HPSE2: variants seen among roughly 807,000 people sequenced by gnomAD.
HPSE2 encodes the protein heparanase 2 (inactive), also known as inactive heparanase-2.
In HPSE2, 38 loss-of-function variants were observed where a neutral mutation model predicts 60.5. That is an observed-to-expected ratio of 0.63 (90% CI 0.48 to 0.82). HPSE2 has a LOEUF of 0.82. Among genes scored for constraint, HPSE2 ranks in the 40% least tolerant of loss-of-function variants. The probability of loss-of-function intolerance (pLI) is 0.00; values close to 1 mark genes in which losing one functional copy is unlikely to be tolerated. For missense variants in HPSE2, 713 were observed against 740.4 expected (o/e 0.96, Z 0.43); for synonymous variants, 295 against 293.2 (o/e 1.01, Z -0.06).
chr10:99,136,270 T>C (rs1269395090), intron 3 of HPSE2, among the ~76,000 whole-genome samples: 2 of 151,904 alleles, frequency 1.3e-5, no homozygotes, highest in Admixed American at 6.6e-5. Flanking sequence ...CAAAAAAACG[T>C]TGAGGACCAG....
the HPSE2 span, among the ~76,000 whole-genome samples, chr10:99,307,478 G>A: frequency 1.3e-5 from 2 of 152,120 alleles, no homozygotes; most frequent in Non-Finnish European, 2.9e-5. Flanking sequence ...TCATGTGGAG[G>A]AGAAGTAGAC....
intron 2 of HPSE2, among the ~76,000 whole-genome samples, chr10:99,211,152 A>T (rs1848940814): frequency 6.6e-6 from 1 of 152,090 alleles, no homozygotes; most frequent in African/African-American, 2.4e-5. Context: ...TGAAGACAAC[A>T]ATTCTATTTA....
intron 2 of HPSE2, among the ~76,000 whole-genome samples, chr10:99,175,238 A>G (rs2133813381): frequency 6.6e-6 from 1 of 151,488 alleles, no homozygotes; most frequent in Non-Finnish European, 1.5e-5. Context: ...TTTTTTTCAT[A>G]CTCCAGTGGT....
At chr10:98,989,352 T>C (rs1235413495) in intron 3 of HPSE2, among the ~76,000 whole-genome samples, 1 of 152,046 alleles carries the variant, frequency 6.6e-6, no homozygotes, top group Non-Finnish European at 1.5e-5. Context: ...TGTAGGGACA[T>C]GGATGAAACT....
Position 98,913,426 on chromosome 10 carries a change from T to C in HPSE2, c.611-169370A>G, listed in dbSNP as rs1216312970. Among the ~76,000 whole-genome samples the C allele has an allele frequency of 5.9e-5, 9 of 152,340 alleles. No homozygotes were observed. The East Asian group carries it at 7.7e-4, about 13-fold the overall frequency. ...CAGGACACAAATCACTTATAAACTA[T>C]TTTCTTATAGTGAAGTAAGTTGTGT... On this transcript the variant is annotated intron_variant, in intron 3 of 11. Transcript: ENST00000370552.
chr10:98,854,280 G>T (rs1433234808), intron 3 of HPSE2, among the ~76,000 whole-genome samples: 1 of 152,198 alleles, frequency 6.6e-6, no homozygotes, highest in East Asian at 1.9e-4. Flanking sequence ...CAAGCAGAGA[G>T]AATTATCTCA....
chr10:99,011,963 T>A (rs1289858516), intron 3 of HPSE2, among the ~76,000 whole-genome samples: 2 of 151,948 alleles, frequency 1.3e-5, no homozygotes, highest in Non-Finnish European at 2.9e-5. Context: ...AATCTCACAC[T>A]ATATTCTCAG....
chr10:98,507,054 A>G (rs1942225845), intron 9 of HPSE2, among the ~76,000 whole-genome samples: 1 of 152,220 alleles, frequency 6.6e-6, no homozygotes. Context: ...TAGCGCATGC[A>G]TATTGCTTAA....
chr10:98,909,769 T>C (rs1953928794), intron 3 of HPSE2, among the ~76,000 whole-genome samples: 1 of 152,184 alleles, frequency 6.6e-6, no homozygotes, highest in Admixed American at 6.5e-5. Context: ...TCAAAGTGTT[T>C]ATTATAAGGT....
At chr10:99,261,483 A>C in the HPSE2 span, among the ~76,000 whole-genome samples, 4 of 152,092 alleles carry the variant, frequency 2.6e-5, no homozygotes, top group African/African-American at 9.7e-5. Flanking sequence ...CCTCTCCCAA[A>C]TCAGTTAGCG....
At position 98,675,898 on chromosome 10, in the gene HPSE2, G is replaced by A. The variant is rs373642120; in HGVS notation, c.1004+18002C>T. 1.4e-4 allele frequency among the ~76,000 whole-genome samples: 21 copies of A among 151,954 alleles called. 1 individual carries two copies. Among genetic ancestry groups the A allele is most frequent in the African/African-American group, 4.1e-4 (17 of 41,438 alleles). ...TCTACAAACATTTTTTAAAAAATTA[G>A]CTGGTGCAGTGGTGCACAACTGTAG... is the stretch of plus-strand genomic sequence containing the variant. On this transcript the variant is annotated intron_variant, in intron 6 of 11. Coordinates refer to ENST00000370552, the MANE Select transcript of HPSE2 (RefSeq NM_021828.5).
intron 9 of HPSE2, among the ~76,000 whole-genome samples, chr10:98,614,501 C>G (rs1441372558): frequency 6.6e-6 from 1 of 151,962 alleles, no homozygotes; most frequent in Non-Finnish European, 1.5e-5. Context: ...ACCATGTTAG[C>G]CAGGATGGGC....
chr10:98,533,421 G>A lies in HPSE2; in HGVS notation c.1321-43225C>T, dbSNP rs141088678. Reference sequence around the variant, plus strand: ...CATTGGAACACAGTGTTTATGTTTCGTAACGTTAATCACATGCAATTCTTC... The same window carrying A: ...CATTGGAACACAGTGTTTATGTTTCATAACGTTAATCACATGCAATTCTTC... On this transcript the variant is annotated intron_variant, in intron 9 of 11. Coordinates refer to ENST00000370552, the MANE Select transcript of HPSE2 (RefSeq NM_021828.5). Among the ~76,000 whole-genome samples the A allele has an allele frequency of 2.1e-3, 315 of 152,254 alleles. 2 individuals carry two copies. Among genetic ancestry groups the A allele is most frequent in the African/African-American group, 6.4e-3 (266 of 41,550 alleles).
intron 9 of HPSE2, among the ~76,000 whole-genome samples, chr10:98,533,355 A>T (rs2133805691): frequency 6.6e-6 from 1 of 152,344 alleles, no homozygotes; most frequent in African/African-American, 2.4e-5. Context: ...TTGAAGATAG[A>T]ATAATGCCTT....
chr10:99,087,460 G>C (rs779136997), intron 3 of HPSE2, among the ~76,000 whole-genome samples: 1 of 152,182 alleles, frequency 6.6e-6, no homozygotes, highest in African/African-American at 2.4e-5. Context: ...CGCATCTAAG[G>C]CCAGACTATG....
At chr10:99,312,417 A>C in the HPSE2 span, among the ~76,000 whole-genome samples, 1 of 152,206 alleles carries the variant, frequency 6.6e-6, no homozygotes, top group Non-Finnish European at 1.5e-5. Context: ...CATTCCAAAA[A>C]TCCTAGGGCC....
chr10:98,781,409 C>T (rs1487856857), intron 3 of HPSE2, among the ~76,000 whole-genome samples: 2 of 145,646 alleles, frequency 1.4e-5, no homozygotes, highest in African/African-American at 2.5e-5. Flanking sequence ...TAAATTTATA[C>T]ATTAAATAAA....
chr10:98,917,316 T>C (rs144124096), intron 3 of HPSE2, among the ~76,000 whole-genome samples: 158 of 152,330 alleles, frequency 1.0e-3, no homozygotes, highest in Non-Finnish European at 1.7e-3. Context: ...ATAAACATAA[T>C]GGTGATTCCA....
chr10:98,917,091 T>C (rs1954140474), intron 3 of HPSE2, among the ~76,000 whole-genome samples: 1 of 152,174 alleles, frequency 6.6e-6, no homozygotes, highest in South Asian at 2.1e-4. Flanking sequence ...TCTTGCTTTT[T>C]TGTTGGGGGT....
Sources: allele counts gnomAD v4.1 joint callset (sites outside exome capture counted in the v4.1 genomes callset), GRCh38; gene constraint gnomAD v4.1.1; transcripts MANE v1.5; gene names NCBI Gene and HGNC (gene_info 2026-07-23, HGNC 2026-07-21).